Variants in HDAC10 observed in about 807,000 individuals in gnomAD.
HDAC10 encodes polyamine deacetylase HDAC10.
In HDAC10, 90 loss-of-function variants were observed where a neutral mutation model predicts 82.3. The ratio of observed to expected loss-of-function variants is 1.09; its 90% CI spans 0.92 to 1.30. HDAC10 has a LOEUF of 1.30. Ranked by LOEUF, HDAC10 falls within the 50% of genes most tolerant of loss-of-function variation. HDAC10 has a pLI of 0.00. For synonymous variants in HDAC10, 456 were observed against 391.7 expected (o/e 1.16, Z -1.94); for missense variants, 934 against 876.3 (o/e 1.07, Z -0.83).
Position 50,251,122 on chromosome 22 carries a change from A to G in HDAC10, c.-90T>C. The G allele has an allele frequency of 3.5e-6, 5 of 1,410,214 alleles. No homozygotes were observed. The East Asian group carries it at 1.3e-4, about 36-fold the overall frequency. The allele number at this position is 1,410,214 out of a possible 1,614,324, so 87.4% of individuals were successfully genotyped here. On this transcript the variant is annotated 5_prime_UTR_variant, in exon 1 of 20. Coordinates refer to ENST00000216271, the MANE Select transcript of HDAC10 (RefSeq NM_032019.6). Reference sequence around the variant, plus strand: ...CCCACCTTCGGCCGGGAGCAGCCGGAGGCCTGGGACCTGCCTGGGGCGCAG... The same window carrying G: ...CCCACCTTCGGCCGGGAGCAGCCGGGGGCCTGGGACCTGCCTGGGGCGCAG...
rs748112457 is a variant in HDAC10 at position 50,248,920 on chromosome 22, G to A, written c.757-30C>T. ...AGGCCAGGCCGGAGTGGGGAGGGTCGACAGAGAGGGGCTGGAGCCCAGGTG... is the reference window on the plus strand; with the variant it reads ...AGGCCAGGCCGGAGTGGGGAGGGTCAACAGAGAGGGGCTGGAGCCCAGGTG... On this transcript the variant is annotated intron_variant, in intron 8 of 19. Coordinates refer to ENST00000216271, the MANE Select transcript of HDAC10 (RefSeq NM_032019.6). The surrounding 1 kb of genome is among the most constrained non-coding windows in gnomAD (Gnocchi z 5.4). 19 of 1,601,828 alleles carry A rather than the reference G, an allele frequency of 1.2e-5. No homozygotes were observed. The highest frequency in any genetic ancestry group is 6.7e-5 in the South Asian group (6 of 89,472).
In HDAC10 at chr22:50,245,365, G is replaced by T. The variant is rs1208471835; in HGVS notation, c.*142C>A. 1 of 663,602 alleles carries T rather than the reference G, an allele frequency of 1.5e-6. No homozygotes were observed. The allele number at this position is 663,602 out of a possible 1,614,324, so 41.1% of individuals were successfully genotyped here. ...AGCGGGGGAAGCACGGGTGGGAGAG[G>T]GCGGGGCGCGGGGATTGGGAGTGGG... On this transcript the variant is annotated 3_prime_UTR_variant, in exon 20 of 20. Transcript: ENST00000216271.
In HDAC10 at chr22:50,250,441, T is replaced by A. The variant is rs763931664; in HGVS notation, c.277A>T (p.Ile93Phe). 2 of 1,612,928 alleles carry A rather than the reference T, an allele frequency of 1.2e-6. No individual in the cohort carries two copies. The highest frequency in any genetic ancestry group is 2.2e-5 in the South Asian group (2 of 91,084). Residue 93 changes from isoleucine (I) to phenylalanine (F), a missense_variant, in exon 3 of 20, where the codon ATC becomes TTC. Ile to Phe is a conservative substitution (Grantham distance 21, BLOSUM62 0). Transcript: ENST00000216271. ...LQALSGQFDA[I>F]YFHPSTFHCA... The stretch of plus-strand genomic sequence containing the variant: ...GGGACACGCACCGGGTGGAAGTAGA[T>A]GGCGTCGAACTGTCCGGACAGCGCC...
In HDAC10 at chr22:50,250,807, C is replaced by A; in HGVS notation, c.158G>T (p.Arg53Leu). ...LEQRCLRLSA[R>L]EASEEELGLV... ...GCCCAGCTCCTCTTCCGAGGCCTCG[C>A]GGGCTGACAACCGCAGACACCTCTG... The change falls in exon 2 of 20, where the codon CGC (arginine) becomes CTC (leucine). Residue 53 changes from arginine to leucine, a missense_variant. Transcript: ENST00000216271. The A allele has an allele frequency of 6.2e-7, 1 of 1,603,378 alleles. No homozygotes were observed. The highest frequency in any genetic ancestry group is 1.1e-5 in the South Asian group (1 of 89,792).
chr22:50,248,546 T>A lies in HDAC10; in HGVS notation c.907-74A>T. ...GGATGTCACCGGGAGAGCCCCTGCCTGGCTCTATCCCGGGCAGGACGCCCC... is the reference window on the plus strand; with the variant it reads ...GGATGTCACCGGGAGAGCCCCTGCCAGGCTCTATCCCGGGCAGGACGCCCC... On this transcript the variant is annotated intron_variant, in intron 10 of 19. Coordinates refer to ENST00000216271, the MANE Select transcript of HDAC10 (RefSeq NM_032019.6). This position sits in a 1 kb window ranked among gnomAD's most constrained non-coding sequence, Gnocchi z 5.4. 6.6e-7 allele frequency: 1 copy of A among 1,504,230 alleles called. No homozygotes were observed. The highest frequency in any genetic ancestry group is 9.0e-7 in the Non-Finnish European group (1 of 1,113,788). 93.2% of individuals were successfully genotyped at this position (1,504,230 alleles called of 1,614,324 possible).
chr22:50,245,848 G>A (rs755295781), intron 18 of HDAC10, 21 bp from the exon 19 acceptor site: 1 of 1,558,792 alleles, frequency 6.4e-7, no homozygotes, highest in Admixed American at 1.9e-5. Flanking sequence ...GGCGAAGACG[G>A]AAGCAGTCAC....
Position 50,245,190 on chromosome 22 carries a change from T to G in HDAC10, c.*317A>C. On this transcript the variant is annotated 3_prime_UTR_variant, in exon 20 of 20. Transcript: ENST00000216271. Reference sequence around the variant, plus strand: ...AAGGAGGCAGAGCCAGCGTTTCGTTTGAGCGATGTTTACTAACGGCGCAAG... The same window carrying G: ...AAGGAGGCAGAGCCAGCGTTTCGTTGGAGCGATGTTTACTAACGGCGCAAG... 1 of 519,348 alleles carries G rather than the reference T, an allele frequency of 1.9e-6. No homozygotes were observed. The highest frequency in any genetic ancestry group is 3.6e-5 in the East Asian group (1 of 28,032). The allele number at this position is 519,348 out of a possible 1,614,324, so 32.2% of individuals were successfully genotyped here.
rs768379069 is a variant in HDAC10, at chr22:50,248,491, C to A, written c.907-19G>T. 2.5e-6 allele frequency: 4 copies of A among 1,596,808 alleles called. No individual in the cohort carries two copies. In the South Asian group the frequency reaches 3.3e-5, roughly 13 times the overall value. ...AGCCGCCCTGGGAGGAGGGTGGAGACATGATTGGGGCAGAGATATCACTGG... is the reference window on the plus strand; with the variant it reads ...AGCCGCCCTGGGAGGAGGGTGGAGAAATGATTGGGGCAGAGATATCACTGG... On this transcript the variant is annotated intron_variant, in intron 10 of 19. Transcript: ENST00000216271. This position sits in a 1 kb window ranked among gnomAD's most constrained non-coding sequence, Gnocchi z 5.4.
Position 50,245,360 on chromosome 22 carries a change from G to A in HDAC10, c.*147C>T. On this transcript the variant is annotated 3_prime_UTR_variant, in exon 20 of 20. Transcript: ENST00000216271. ...GGTGGAGCGGGGGAAGCACGGGTGG[G>A]AGAGGGCGGGGCGCGGGGATTGGGA... The A allele has an allele frequency of 1.5e-6, 1 of 658,952 alleles. No individual in the cohort carries two copies. Among genetic ancestry groups the A allele is most frequent in the Non-Finnish European group, 2.8e-6 (1 of 361,876 alleles). The allele number at this position is 658,952 out of a possible 1,614,324, so 40.8% of individuals were successfully genotyped here. A position where few individuals can be genotyped will look rare whatever the true frequency, so the allele number is the denominator to read the frequency against.
At chr22:50,246,818 A>G (rs2064961987) in intron 15 of HDAC10, 57 bp downstream of exon 15, 7 of 1,596,550 alleles carry the variant, frequency 4.4e-6, no homozygotes, top group East Asian at 2.2e-5. Flanking sequence ...GCCAGCCAGG[A>G]TAGGGGTGCC....
Position 50,248,550 on chromosome 22 carries a change from T to C in HDAC10, c.907-78A>G. The C allele has an allele frequency of 6.7e-7, 1 of 1,502,544 alleles. No homozygotes were observed. The allele number at this position is 1,502,544 out of a possible 1,614,324, so 93.1% of individuals were successfully genotyped here. A position where few individuals can be genotyped will look rare whatever the true frequency, so the allele number is the denominator to read the frequency against. On this transcript the variant is annotated intron_variant, in intron 10 of 19. Coordinates refer to ENST00000216271, the MANE Select transcript of HDAC10 (RefSeq NM_032019.6). The surrounding 1 kb of genome is among the most constrained non-coding windows in gnomAD (Gnocchi z 5.4). ...GTCACCGGGAGAGCCCCTGCCTGGCTCTATCCCGGGCAGGACGCCCCTCCC... is the reference window on the plus strand; with the variant it reads ...GTCACCGGGAGAGCCCCTGCCTGGCCCTATCCCGGGCAGGACGCCCCTCCC...
chr22:50,249,325 C>T lies in HDAC10; in HGVS notation c.690+3G>A, dbSNP rs1416884950. ...TGGGGACCTGGGGCTTGAGGGTGGG[C>T]ACCTGGTTCCAGGGCAGGTTGACAG... is the stretch of plus-strand genomic sequence containing the variant. On this transcript the variant is annotated splice_donor_region_variant and intron_variant, in intron 7 of 19. Transcript: ENST00000216271. This position sits in a 1 kb window ranked among gnomAD's most constrained non-coding sequence, Gnocchi z 4.4. 1 of 1,602,436 alleles carries T rather than the reference C, an allele frequency of 6.2e-7. No homozygotes were observed. The highest frequency in any genetic ancestry group is 1.7e-5 in the Admixed American group (1 of 59,082).
chr22:50,246,222 C>T (rs946174072), intron 17 of HDAC10, 76 bp downstream of exon 17: 2 of 1,514,952 alleles, frequency 1.3e-6, no homozygotes, highest in East Asian at 2.3e-5. Flanking sequence ...GCTATCATGA[C>T]AATGCCAGCA....
chr22:50,246,103 A>G lies in HDAC10; in HGVS notation c.1651-11T>C. 6.3e-7 allele frequency: 1 copy of G among 1,592,398 alleles called. No homozygotes were observed. The highest frequency in any genetic ancestry group is 8.6e-7 in the Non-Finnish European group (1 of 1,166,942). ...GAAACCACCGGTCATCTGTGGGGAC[A>G]GCAGAGCCCAGCTCCTCATCTACGG... is the stretch of plus-strand genomic sequence containing the variant. On this transcript the variant is annotated splice_polypyrimidine_tract_variant and intron_variant, in intron 17 of 19. Coordinates refer to ENST00000216271, the MANE Select transcript of HDAC10 (RefSeq NM_032019.6).
Position 50,246,708 on chromosome 22 carries a change from C to T in HDAC10, c.1542G>A (p.Leu514=), listed in dbSNP as rs780701449. 5 of 1,612,054 alleles carry T rather than the reference C, an allele frequency of 3.1e-6. No homozygotes were observed. Among genetic ancestry groups the T allele is most frequent in the Non-Finnish European group, 4.2e-6 (5 of 1,179,954 alleles). ...CATGGGCGAGGTCTGGAGGCCGGTC[C>T]AGCTGTCCCAGGGCCACGCACAGCA... The part of the protein sequence containing the change: ...QRLLCVALGQ[L]DRPPDLAHDG... The change falls in exon 16 of 20, where the codon CTG becomes CTA. Residue 514 remains leucine (L), a synonymous_variant. Coordinates refer to ENST00000216271, the MANE Select transcript of HDAC10 (RefSeq NM_032019.6).
In HDAC10 at chr22:50,249,086, G is replaced by C. The variant is rs1422070009; in HGVS notation, c.756+17C>G. On this transcript the variant is annotated intron_variant, in intron 8 of 19. Coordinates refer to ENST00000216271, the MANE Select transcript of HDAC10 (RefSeq NM_032019.6). This position sits in a 1 kb window ranked among gnomAD's most constrained non-coding sequence, Gnocchi z 4.4. ...CCTCCCACCCGGCTGCCCTGGGGGA[G>C]CCCTCCGTGCAGTCACCTCAAAGGC... The C allele has an allele frequency of 1.9e-6, 3 of 1,584,642 alleles. No individual in the cohort carries two copies. Among genetic ancestry groups the C allele is most frequent in the Non-Finnish European group, 2.6e-6 (3 of 1,164,638 alleles).
chr22:50,245,358 G>C lies in HDAC10; in HGVS notation c.*149C>G. 2 of 659,152 alleles carry C rather than the reference G, an allele frequency of 3.0e-6. No individual in the cohort carries two copies. The highest frequency in any genetic ancestry group is 5.5e-6 in the Non-Finnish European group (2 of 361,778). 40.8% of individuals were successfully genotyped at this position (659,152 alleles called of 1,614,324 possible). On this transcript the variant is annotated 3_prime_UTR_variant, in exon 20 of 20. Transcript: ENST00000216271. ...GGGGTGGAGCGGGGGAAGCACGGGT[G>C]GGAGAGGGCGGGGCGCGGGGATTGG...
Position 50,249,625 on chromosome 22 carries a change from C to T in HDAC10, c.563+10G>A, listed in dbSNP as rs200728434. The T allele has an allele frequency of 3.1e-5, 50 of 1,612,682 alleles. No individual in the cohort carries two copies. The highest frequency in any genetic ancestry group is 3.9e-5 in the Non-Finnish European group (46 of 1,179,914). The stretch of plus-strand genomic sequence containing the variant: ...CTGCAGGGAAGGGTGGTTTCCGCAC[C>T]CCTGCTCACCTGGGGTCATCCTCAA... On this transcript the variant is annotated intron_variant, in intron 6 of 19. Transcript: ENST00000216271. This position sits in a 1 kb window ranked among gnomAD's most constrained non-coding sequence, Gnocchi z 4.4.
chr22:50,249,654 G>A lies in HDAC10; in HGVS notation c.544C>T (p.Leu182Phe), dbSNP rs1406194492. Residue 182 changes from leucine (L) to phenylalanine (F), a missense_variant, in exon 6 of 20, where the codon CTC becomes TTC. Physicochemically the swap from Leu to Phe is conservative, Grantham distance 22. Coordinates refer to ENST00000216271, the MANE Select transcript of HDAC10 (RefSeq NM_032019.6). The surrounding 1 kb of genome is among the most constrained non-coding windows in gnomAD (Gnocchi z 4.4). ...DVHHGQGIQY[L>F]FEDDPSVLYF... ...GCTCACCTGGGGTCATCCTCAAAGA[G>A]ATACTGGATCCCCTGGCCATGGTGC... 3.1e-6 allele frequency: 5 copies of A among 1,612,930 alleles called. No individual in the cohort carries two copies. Among genetic ancestry groups the A allele is most frequent in the Non-Finnish European group, 4.2e-6 (5 of 1,179,984 alleles).
Sources: allele counts gnomAD v4.1 joint callset, GRCh38; gene constraint gnomAD v4.1.1; non-coding constraint Gnocchi (gnomAD v3.1); transcripts MANE v1.5; gene names NCBI Gene and HGNC (gene_info 2026-07-23, HGNC 2026-07-21).